Variants in IFT80 observed in about 807,000 individuals in gnomAD.
The protein encoded by IFT80 is intraflagellar transport 80, also known as intraflagellar transport protein 80 homolog.
A neutral mutation model predicts 107.9 loss-of-function variants in IFT80; 79 were observed. That is an observed-to-expected ratio of 0.73 (90% CI 0.61 to 0.88). The LOEUF is 0.88. IFT80 is among the 40% of genes least tolerant of loss of function. The pLI is 0.00. For missense variants in IFT80, 797 were observed against 914.2 expected (o/e 0.87, Z 1.65); for synonymous variants, 299 against 300.9 (o/e 0.99, Z 0.07).
chr3:160,364,743 A>G (rs1431391379), intron 6 of IFT80, among the ~76,000 whole-genome samples: 2 of 152,138 alleles, frequency 1.3e-5, no homozygotes, highest in Non-Finnish European at 2.9e-5. Context: ...TCAGCAAACT[A>G]TCACAAGGAC....
intron 1 of IFT80, among the ~76,000 whole-genome samples, chr3:160,397,881 CCTG>C (rs1713939319): frequency 6.6e-6 from 1 of 151,940 alleles, no homozygotes; most frequent in African/African-American, 2.4e-5. Flanking sequence ...GCCACCATGC[CCTG>C]CTAATTTTTT....
chr3:160,343,708 T>C (rs937296915), intron 8 of IFT80: 2 of 263,354 alleles, frequency 7.6e-6, no homozygotes, highest in South Asian at 3.5e-5. Context: ...GATCATCTCA[T>C]TTAAAAAATG....
intron 7 of IFT80, among the ~76,000 whole-genome samples, chr3:160,356,514 G>C (rs1472236488): frequency 6.6e-6 from 1 of 152,000 alleles, no homozygotes; most frequent in Admixed American, 6.6e-5. Flanking sequence ...TTAGTTCTTA[G>C]CTTTGTTTTG....
chr3:160,372,753 C>T (rs545272159), intron 5 of IFT80, among the ~76,000 whole-genome samples: 1 of 152,188 alleles, frequency 6.6e-6, no homozygotes, highest in East Asian at 1.9e-4. Context: ...ATTTCAAAGT[C>T]ATTTGATATT....
chr3:160,380,902 A>C lies in IFT80; in HGVS notation c.259+601T>G, dbSNP rs115788790. 7.4e-3 allele frequency among the ~76,000 whole-genome samples: 1,132 copies of C among 152,190 alleles called. 19 individuals carry two copies. The highest frequency in any genetic ancestry group is 0.026 in the African/African-American group (1,084 of 41,526). On this transcript the variant is annotated intron_variant, in intron 3 of 19. Coordinates refer to ENST00000326448, the MANE Select transcript of IFT80 (RefSeq NM_020800.3). ...AAATTTGAAGAATTTAGGAACTAAAACTATGATAACAGCTTAACTCAACTC... is the reference window on the plus strand; with the variant it reads ...AAATTTGAAGAATTTAGGAACTAAACCTATGATAACAGCTTAACTCAACTC...
Position 160,257,707 on chromosome 3 carries a change from T to G in IFT80, c.*818A>C, listed in dbSNP as rs1042537482. The G allele has an allele frequency of 2.0e-5, 3 of 152,186 alleles. No homozygotes were observed. Among genetic ancestry groups the G allele is most frequent in the African/African-American group, 7.2e-5 (3 of 41,444 alleles). 9.4% of individuals were successfully genotyped at this position (152,186 alleles called of 1,614,324 possible). On this transcript the variant is annotated 3_prime_UTR_variant, in exon 20 of 20. Transcript: ENST00000326448. ...CATCATCGCTATCCATTTCCAGAAT[T>G]TGTTCATCCCAAACAGAAACTATGT...
At chr3:160,319,991 G>A (rs578175192) in intron 8 of IFT80, 52 bp from the exon 9 acceptor site, 1 of 1,437,844 alleles carries the variant, frequency 7.0e-7, no homozygotes, top group Admixed American at 1.8e-5. Context: ...AAAATTTTTA[G>A]GAAGTTTTAA....
chr3:160,285,735 A>T (rs1715040709), intron 13 of IFT80, 69 bp downstream of exon 13: 2 of 1,040,170 alleles, frequency 1.9e-6, no homozygotes, highest in Non-Finnish European at 2.9e-6. Context: ...TTAAAATGAA[A>T]ACATTAATTT....
In IFT80 at chr3:160,293,289, A is replaced by C. The variant is rs567318808; in HGVS notation, c.1316-7421T>G. On this transcript the variant is annotated intron_variant, in intron 12 of 19. Transcript: ENST00000326448. ...ATAAACCTCAGAGGCCTAAACTTGA[A>C]GACAACTTGGTCACAGAACATGATG... Among the ~76,000 whole-genome samples, 198 of 152,338 alleles carry C rather than the reference A, an allele frequency of 1.3e-3. 1 individual carries two copies. The highest frequency in any genetic ancestry group is 4.6e-3 in the African/African-American group (190 of 41,568).
chr3:160,355,958 G>A, intron 8 of IFT80, 55 bp downstream of exon 8: 4 of 1,586,830 alleles, frequency 2.5e-6, no homozygotes, highest in South Asian at 1.1e-5. Flanking sequence ...CATGTGTGTT[G>A]TGCATTACCA....
At chr3:160,347,206 G>C (rs1365541781) in intron 8 of IFT80, among the ~76,000 whole-genome samples, 4 of 152,070 alleles carry the variant, frequency 2.6e-5, no homozygotes, top group Non-Finnish European at 5.9e-5. Context: ...TTTAGCTACC[G>C]CCAGGCTGGG....
In IFT80 at chr3:160,359,460, A is replaced by G. The variant is rs565124221; in HGVS notation, c.550-1882T>C. ...AAGACGGGTGATTTCTGCATTTTCAACTGAGCTCTGAAGAGAGCAGTGGTT... is the reference window on the plus strand; with the variant it reads ...AAGACGGGTGATTTCTGCATTTTCAGCTGAGCTCTGAAGAGAGCAGTGGTT... On this transcript the variant is annotated intron_variant, in intron 6 of 19. Transcript: ENST00000326448. 5.3e-5 allele frequency among the ~76,000 whole-genome samples: 8 copies of G among 152,186 alleles called. No homozygotes were observed. The South Asian group carries it at 1.7e-3, about 32-fold the overall frequency.
intron 6 of IFT80, among the ~76,000 whole-genome samples, chr3:160,364,066 G>A (rs1329843766): frequency 6.6e-6 from 1 of 152,126 alleles, no homozygotes; most frequent in African/African-American, 2.4e-5. Context: ...AGAGTGAACA[G>A]GCAACCTACA....
At chr3:160,353,147 T>C (rs1333141318) in intron 8 of IFT80, among the ~76,000 whole-genome samples, 1 of 152,208 alleles carries the variant, frequency 6.6e-6, no homozygotes, top group African/African-American at 2.4e-5. Context: ...CTATTCCTTC[T>C]CTCGAATCAC....
chr3:160,366,176 A>C (rs534209690), intron 5 of IFT80, 24 bp from the exon 6 acceptor site: 21 of 1,527,454 alleles, frequency 1.4e-5, no homozygotes, highest in Non-Finnish European at 1.6e-5. Flanking sequence ...AAAGAAAAAA[A>C]AAAGGCTGAT....
chr3:160,356,284 G>T, intron 7 of IFT80, 134 bp from the exon 8 acceptor site: 1 of 708,604 alleles, frequency 1.4e-6, no homozygotes, highest in Non-Finnish European at 2.3e-6. Context: ...TTCCAGTAAG[G>T]TAGTAAATAA....
At chr3:160,382,632 C>T (rs1295264807) in intron 2 of IFT80, among the ~76,000 whole-genome samples, 3 of 152,124 alleles carry the variant, frequency 2.0e-5, no homozygotes, top group African/African-American at 4.8e-5. Context: ...TCTCTTGCTA[C>T]GTCTGGATTT....
intron 11 of IFT80, among the ~76,000 whole-genome samples, chr3:160,302,420 A>G (rs1452148796): frequency 6.6e-6 from 1 of 152,072 alleles, no homozygotes; most frequent in Admixed American, 6.6e-5. Context: ...TGACAAAGTG[A>G]CATATATTAG....
rs1716929813 is a variant in IFT80, at chr3:160,307,747, A to G, written c.992T>C (p.Leu331Pro). The G allele has an allele frequency of 3.7e-6, 6 of 1,601,020 alleles. No individual in the cohort carries two copies. The highest frequency in any genetic ancestry group is 5.1e-6 in the Non-Finnish European group (6 of 1,168,156). The change falls in exon 10 of 20, where the codon CTG (leucine) becomes CCG (proline). Residue 331 changes from leucine to proline, a missense_variant. Physicochemically the swap from Leu to Pro is moderately conservative, Grantham distance 98. Transcript: ENST00000326448. Reference sequence around the variant, plus strand: ...TTTAATGACTCTATCACGGAATTCCAGTAAATCCACTGCATCATTAAGAAC... The same window carrying G: ...TTTAATGACTCTATCACGGAATTCCGGTAAATCCACTGCATCATTAAGAAC... ...RNVLNDAVDL[L>P]EFRDRVIKAS... is the part of the protein sequence containing the mutation.
Sources: gnomAD v4.1 joint callset for allele counts (sites outside exome capture counted in the v4.1 genomes callset) on GRCh38, gnomAD v4.1.1 for gene constraint, MANE v1.5 for transcripts, NCBI Gene and HGNC (gene_info 2026-07-23, HGNC 2026-07-21) for gene names.